Variants in DBH observed in about 807,000 individuals in gnomAD.
DBH encodes the protein dopamine beta-hydroxylase (dopamine beta-monooxygenase).
A neutral mutation model predicts 64.0 loss-of-function variants in DBH; 49 were observed. The ratio of observed to expected loss-of-function variants is 0.77; its 90% CI spans 0.61 to 0.97. The LOEUF is 0.97. Ranked by LOEUF, DBH falls within the 50% of genes least tolerant of loss-of-function variation. The pLI is 0.00. For missense variants in DBH, 828 were observed against 826.6 expected (o/e 1.00, Z -0.02); for synonymous variants, 343 against 347.1 (o/e 0.99, Z 0.13).
intron 9 of DBH, 103 bp downstream of exon 9, chr9:133,653,102 C>A: frequency 1.1e-6 from 1 of 884,162 alleles, no homozygotes; most frequent in Non-Finnish European, 1.9e-6. Context: ...AGGGCATGGG[C>A]TCGTCCCCTC....
chr9:133,656,866 C>T (rs912866218), intron 10 of DBH, among the ~76,000 whole-genome samples: 1 of 152,212 alleles, frequency 6.6e-6, no homozygotes, highest in African/African-American at 2.4e-5. Context: ...CATTACCCAC[C>T]CGCCAAGGTG....
At chr9:133,656,672 T>G in intron 10 of DBH, 22 bp downstream of exon 10, 1 of 1,609,884 alleles carries the variant, frequency 6.2e-7, no homozygotes, top group Non-Finnish European at 8.5e-7. Flanking sequence ...CTGCACAAGC[T>G]CCCTGCCCCC....
chr9:133,658,286 TCA>T (rs773163953), intron 11 of DBH, 28 bp from the exon 12 acceptor site: 28 of 1,612,946 alleles, frequency 1.7e-5, no homozygotes, highest in Non-Finnish European at 2.1e-5. Flanking sequence ...CCCTCCAGCC[TCA>T]GTTTACCTCC....
At position 133,657,041 on chromosome 9, in the gene DBH, C is replaced by G. The variant is rs554458094; in HGVS notation, c.1563-29C>G. On this transcript the variant is annotated intron_variant, in intron 10 of 11. Coordinates refer to ENST00000393056, the MANE Select transcript of DBH (RefSeq NM_000787.4). ...GGGCTCCCTGCCCGTCAGCTGCTCC[C>G]CAGCCTGGCTGTTCCTTGTCCCCAC... The G allele has an allele frequency of 1.4e-5, 23 of 1,613,414 alleles. No homozygotes were observed. The South Asian group carries it at 2.4e-4, about 17-fold the overall frequency.
chr9:133,652,415 G>T (rs1209354264), intron 8 of DBH, 131 bp downstream of exon 8: 7 of 1,134,018 alleles, frequency 6.2e-6, no homozygotes, highest in Non-Finnish European at 9.1e-6. Flanking sequence ...AGGGCAGGGG[G>T]AGGGTGCCTG....
At chr9:133,653,484 G>C (rs942786408) in intron 9 of DBH, among the ~76,000 whole-genome samples, 2 of 152,170 alleles carry the variant, frequency 1.3e-5, no homozygotes, top group Non-Finnish European at 2.9e-5. Context: ...GAGGTGCGGG[G>C]ACCTGGGAGG....
intron 1 of DBH, among the ~76,000 whole-genome samples, chr9:133,637,820 G>A (rs1235464402): frequency 6.6e-6 from 1 of 152,240 alleles, no homozygotes; most frequent in Non-Finnish European, 1.5e-5. Context: ...GGCCACCCAG[G>A]TAGGGTGAGT....
At chr9:133,649,457 G>A (rs2131289846) in intron 6 of DBH, among the ~76,000 whole-genome samples, 1 of 152,340 alleles carries the variant, frequency 6.6e-6, no homozygotes, top group South Asian at 2.1e-4. Context: ...TGAAAGCTGT[G>A]GCCGTGACAG....
intron 2 of DBH, among the ~76,000 whole-genome samples, chr9:133,641,744 G>A (rs765237915): frequency 5.3e-5 from 8 of 152,164 alleles, no homozygotes; most frequent in African/African-American, 9.7e-5. Flanking sequence ...ATAATATAGC[G>A]TGGCTCCGCA....
intron 7 of DBH, among the ~76,000 whole-genome samples, 182 bp downstream of exon 7, chr9:133,651,959 G>A (rs1335492994): frequency 5.4e-5 from 8 of 148,350 alleles, no homozygotes; most frequent in African/African-American, 1.6e-4. Context: ...GTGTCTGATC[G>A]TAGGGAGGCC....
At chr9:133,657,949 T>C (rs1295990344) in intron 11 of DBH, among the ~76,000 whole-genome samples, 1 of 152,154 alleles carries the variant, frequency 6.6e-6, no homozygotes, top group East Asian at 1.9e-4. Flanking sequence ...GGTGGACGTC[T>C]GATGGGGTTG....
rs925106177 is a variant in DBH at position 133,643,178 on chromosome 9, G to C, written c.745-235G>C. ...ATATGCATGAGGACGGCTGCGTCCT[G>C]TCCCTGCCTTGGCCTGTACGAACCT... On this transcript the variant is annotated intron_variant, in intron 3 of 11. Transcript: ENST00000393056. This position sits in a 1 kb window ranked among gnomAD's most constrained non-coding sequence, Gnocchi z 5.3. 3.5e-5 allele frequency among the ~76,000 whole-genome samples: 4 copies of C among 112,774 alleles called. No homozygotes were observed. The highest frequency in any genetic ancestry group is 8.1e-5 in the Non-Finnish European group (4 of 49,662). 74.0% of individuals were successfully genotyped at this position (112,774 alleles called of 152,430 possible).
intron 7 of DBH, among the ~76,000 whole-genome samples, chr9:133,652,010 G>T (rs1832255404): frequency 6.6e-6 from 1 of 152,200 alleles, no homozygotes; most frequent in Non-Finnish European, 1.5e-5. Flanking sequence ...GGGAGACCCA[G>T]GCGGCCCTCT....
Position 133,647,730 on chromosome 9 carries a change from G to A in DBH, c.1025-116G>A, listed in dbSNP as rs1832198933. The A allele has an allele frequency of 5.4e-6, 7 of 1,294,664 alleles. No homozygotes were observed. The South Asian group carries it at 8.9e-5, about 17-fold the overall frequency. The allele number at this position is 1,294,664 out of a possible 1,614,324, so 80.2% of individuals were successfully genotyped here. Reference sequence around the variant, plus strand: ...TAGCAGGTGGGAGCAGATGGGGGGTGACCGGCCCTGCCTCCTGGCTGAGGG... The same window carrying A: ...TAGCAGGTGGGAGCAGATGGGGGGTAACCGGCCCTGCCTCCTGGCTGAGGG... On this transcript the variant is annotated intron_variant, in intron 5 of 11. Transcript: ENST00000393056.
At chr9:133,636,743 C>A (rs1409821632) in intron 1 of DBH, 33 bp downstream of exon 1, 1 of 1,579,780 alleles carries the variant, frequency 6.3e-7, no homozygotes, top group Non-Finnish European at 8.6e-7. Context: ...CTCTCCAAAC[C>A]CTTCCTGACC....
Position 133,652,937 on chromosome 9 carries a change from C to T in DBH, c.1375-3C>T. ...GCTGATGGTCACATTGGCTTTTCCT[C>T]AGGGAGATGTGCTCATCACCTCCTG... On this transcript the variant is annotated splice_polypyrimidine_tract_variant and splice_region_variant and intron_variant, in intron 8 of 11. Coordinates refer to ENST00000393056, the MANE Select transcript of DBH (RefSeq NM_000787.4). 6.2e-7 allele frequency: 1 copy of T among 1,613,112 alleles called. No individual in the cohort carries two copies. Among genetic ancestry groups the T allele is most frequent in the East Asian group, 2.2e-5 (1 of 44,864 alleles).
At chr9:133,644,464 TC>T in intron 5 of DBH, 144 bp downstream of exon 5, 1 of 744,582 alleles carries the variant, frequency 1.3e-6, no homozygotes, top group Admixed American at 2.0e-5. Flanking sequence ...GTCTGCCTCA[TC>T]CGCTGTCCAT....
At chr9:133,639,500 G>C (rs962177945) in intron 1 of DBH, among the ~76,000 whole-genome samples, 1 of 152,128 alleles carries the variant, frequency 6.6e-6, no homozygotes, top group Non-Finnish European at 1.5e-5. Context: ...GGAGCCTCAG[G>C]CATCTTCTTA....
intron 6 of DBH, among the ~76,000 whole-genome samples, chr9:133,650,426 TTTCTTTCCTTCTTTCCTTC>T (rs1218567293): frequency 6.6e-6 from 1 of 150,486 alleles, no homozygotes; most frequent in Admixed American, 6.6e-5. Flanking sequence ...GACGTGTTCT[TTTCTTTCCTTCTTTCCTTC>T]TTTTCTTTCC....
Sources: allele counts gnomAD v4.1 joint callset (sites outside exome capture counted in the v4.1 genomes callset), GRCh38; gene constraint gnomAD v4.1.1; non-coding constraint Gnocchi (gnomAD v3.1); transcripts MANE v1.5; gene names NCBI Gene and HGNC (gene_info 2026-07-23, HGNC 2026-07-21).